Variants in VWA5A observed in about 807,000 individuals in gnomAD.
VWA5A encodes von Willebrand factor A domain-containing protein 5A.
VWA5A carries 77 observed loss-of-function variants against 84.6 expected under a neutral mutation model. The ratio of observed to expected loss-of-function variants is 0.91; its 90% CI spans 0.76 to 1.10. The LOEUF (loss-of-function observed/expected upper bound fraction) is 1.10, where lower values mean the gene tolerates loss of function less well. VWA5A is among the 50% of genes least tolerant of loss of function. VWA5A has a pLI of 0.00. For missense variants in VWA5A, 973 were observed against 963.0 expected (o/e 1.01, Z -0.14); for synonymous variants, 334 against 350.1 (o/e 0.95, Z 0.51).
Position 124,118,518 on chromosome 11 carries a change from G to A in VWA5A, c.470-15G>A. 6.2e-7 allele frequency: 1 copy of A among 1,613,526 alleles called. No homozygotes were observed. Among genetic ancestry groups the A allele is most frequent in the Non-Finnish European group, 8.5e-7 (1 of 1,179,600 alleles). ...GTGTTGGCAAGGAAAACAGAACTAA[G>A]GTCATCTTTTATAGGGTCGTCTAAG... On this transcript the variant is annotated splice_polypyrimidine_tract_variant and intron_variant, in intron 5 of 18. Coordinates refer to ENST00000456829, the MANE Select transcript of VWA5A (RefSeq NM_001130142.2).
rs144882371 is a variant in VWA5A at position 124,145,352 on chromosome 11, G to C, written c.2270G>C (p.Arg757Pro). Residue 757 changes from arginine to proline, a missense_variant, in exon 18 of 19, where the codon CGT (arginine) becomes CCT (proline). Transcript: ENST00000456829. ...GAAAGGAAGGCCGTGGCCTGGATGC[G>C]TGCCCATGCAGGTAGGAGCACAATC... is the stretch of plus-strand genomic sequence containing the variant. ...LLERKAVAWM[R>P]AHAGSTMPSV... 4 of 1,612,646 alleles carry C rather than the reference G, an allele frequency of 2.5e-6. No individual in the cohort carries two copies. The highest frequency in any genetic ancestry group is 3.4e-6 in the Non-Finnish European group (4 of 1,179,214).
At chr11:124,136,317 C>T (rs1474700043) in intron 13 of VWA5A, 24 bp downstream of exon 13, 1 of 1,604,210 alleles carries the variant, frequency 6.2e-7, no homozygotes, top group Non-Finnish European at 8.5e-7. Flanking sequence ...CTTATTTGTT[C>T]CTCTAGTCAA....
At position 124,120,756 on chromosome 11, in the gene VWA5A, G is replaced by A. The variant is rs538264929; in HGVS notation, c.760+1667G>A. On this transcript the variant is annotated intron_variant, in intron 7 of 18. Coordinates refer to ENST00000456829, the MANE Select transcript of VWA5A (RefSeq NM_001130142.2). ...TTCCTTATGGTGACTATTTCCTTGG[G>A]TGTCCATGAAATATTCCCATAACAG... Among the ~76,000 whole-genome samples the A allele has an allele frequency of 5.3e-5, 8 of 152,180 alleles. No individual in the cohort carries two copies. In the South Asian group the frequency reaches 1.5e-3, roughly 28 times the overall value.
chr11:124,128,327 G>T (rs1169389894), intron 11 of VWA5A, among the ~76,000 whole-genome samples: 3 of 152,132 alleles, frequency 2.0e-5, no homozygotes, highest in Admixed American at 2.0e-4. Context: ...GGTTGTAGAT[G>T]TGTGTCATTA....
At chr11:124,131,556 G>A (rs1865098081) in intron 11 of VWA5A, among the ~76,000 whole-genome samples, 1 of 151,548 alleles carries the variant, frequency 6.6e-6, no homozygotes, top group Non-Finnish European at 1.5e-5. Flanking sequence ...TGTTTCCCTA[G>A]GTGTTTGATG....
chr11:124,131,114 G>A (rs1865090697), intron 11 of VWA5A, among the ~76,000 whole-genome samples: 1 of 151,910 alleles, frequency 6.6e-6, no homozygotes, highest in African/African-American at 2.4e-5. Flanking sequence ...AAGACTCTTA[G>A]TGGGCGCCTG....
Position 124,137,237 on chromosome 11 carries a change from T to A in VWA5A, c.1848T>A (p.Ala616=). The stretch of plus-strand genomic sequence containing the variant: ...TCCCAAGGCCAATTCTGTTGGGTGC[T>A]TCTGCCCCATTGAAGATAAAATGCC... ...RDVPRPILLG[A]SAPLKIKCQS... is the part of the protein sequence containing the mutation. The change falls in exon 15 of 19, where the codon GCT becomes GCA. Residue 616 remains alanine, a synonymous_variant. Transcript: ENST00000456829. The A allele has an allele frequency of 6.2e-7, 1 of 1,614,172 alleles. No individual in the cohort carries two copies. The highest frequency in any genetic ancestry group is 1.3e-5 in the African/African-American group (1 of 75,038).
At position 124,127,484 on chromosome 11, in the gene VWA5A, A is replaced by G. The variant is rs139915354; in HGVS notation, c.1244+3168A>G. 6.7e-3 allele frequency among the ~76,000 whole-genome samples: 1,018 copies of G among 152,270 alleles called. 6 individuals carry two copies. Among genetic ancestry groups the G allele is most frequent in the African/African-American group, 0.022 (929 of 41,546 alleles). ...AGTGCTGCAATAAACATATGTGTGC[A>G]TGTGTCTTTATAGTAGAATGATTTA... On this transcript the variant is annotated intron_variant, in intron 11 of 18. Transcript: ENST00000456829.
chr11:124,144,258 G>T (rs1037245518), intron 17 of VWA5A, among the ~76,000 whole-genome samples: 8 of 152,020 alleles, frequency 5.3e-5, no homozygotes, highest in African/African-American at 1.9e-4. Flanking sequence ...AACTCTACAG[G>T]TAGAGAAGAG....
intron 11 of VWA5A, among the ~76,000 whole-genome samples, chr11:124,129,390 A>G (rs1440730634): frequency 3.9e-5 from 6 of 152,256 alleles, no homozygotes; most frequent in African/African-American, 1.2e-4. Flanking sequence ...CTAGTATTTT[A>G]TTGAGGATTT....
intron 15 of VWA5A, among the ~76,000 whole-genome samples, chr11:124,140,013 ATTTG>A (rs143050157): frequency 0.014 from 2,079 of 152,106 alleles, 34 homozygotes; most frequent in Middle Eastern, 0.017. Flanking sequence ...ATGATGTTGA[ATTTG>A]TTTAATACTT....
At chr11:124,123,609 T>C (rs1024811192) in intron 9 of VWA5A, 51 bp from the exon 10 acceptor site, 1 of 1,614,084 alleles carries the variant, frequency 6.2e-7, no homozygotes, top group Non-Finnish European at 8.5e-7. Context: ...GACTCTATAC[T>C]GGGCAAGGTT....
chr11:124,139,666 G>T (rs1309739941), intron 15 of VWA5A, among the ~76,000 whole-genome samples: 2 of 150,036 alleles, frequency 1.3e-5, no homozygotes, highest in Non-Finnish European at 3.0e-5. Flanking sequence ...TGCTGAGTTT[G>T]TTTATTCTAT....
intron 15 of VWA5A, 48 bp downstream of exon 15, chr11:124,137,316 A>G (rs1565621208): frequency 6.3e-7 from 1 of 1,583,510 alleles, no homozygotes; most frequent in Admixed American, 1.8e-5. Flanking sequence ...AAAGATTCTG[A>G]CTATCTGAGC....
rs370786608 is a variant in VWA5A, at chr11:124,136,691, CCCTT to C, written c.1625+71_1625+74del. 39,754 of 1,091,232 alleles carry C rather than the reference CCCTT, an allele frequency of 0.036. 1,555 individuals are homozygous for C. Among genetic ancestry groups the C allele is most frequent in the South Asian group, 0.067 (4,545 of 67,876 alleles). The allele number at this position is 1,091,232 out of a possible 1,614,324, so 67.6% of individuals were successfully genotyped here. ...TGATGTCAAGTGAGAATTCAGTTTT[CCCTT>C]CCTTCCTTCCTTCCTTCCTTCCTTC... On this transcript the variant is annotated intron_variant, in intron 14 of 18. Transcript: ENST00000456829.
intron 7 of VWA5A, among the ~76,000 whole-genome samples, chr11:124,120,775 A>G (rs1864919669): frequency 1.3e-5 from 2 of 152,176 alleles, no homozygotes; most frequent in African/African-American, 2.4e-5. Context: ...AAATATTCCC[A>G]TAACAGTGAC....
Position 124,123,720 on chromosome 11 carries a change from G to T in VWA5A, c.1080G>T (p.Met360Ile), listed in dbSNP as rs1469540513. 6.2e-7 allele frequency: 1 copy of T among 1,613,662 alleles called. No individual in the cohort carries two copies. The highest frequency in any genetic ancestry group is 8.5e-7 in the Non-Finnish European group (1 of 1,179,846). The part of the protein sequence containing the change: ...MEEALGRVKL[M>I]QADLGGTEIL... ...AGGCTCTGGGGAGAGTGAAGCTTAT[G>T]CAGGCCGACCTAGGGGGCACTGAAA... is the stretch of plus-strand genomic sequence containing the variant. The change falls in exon 10 of 19, where the codon ATG (methionine) becomes ATT (isoleucine). Residue 360 changes from methionine to isoleucine, a missense_variant. Coordinates refer to ENST00000456829, the MANE Select transcript of VWA5A (RefSeq NM_001130142.2).
intron 7 of VWA5A, among the ~76,000 whole-genome samples, chr11:124,121,685 C>T (rs952267425): frequency 6.6e-6 from 1 of 152,096 alleles, no homozygotes; most frequent in Non-Finnish European, 1.5e-5. Flanking sequence ...GTTTGAAATG[C>T]CTCATTTGAA....
chr11:124,136,502 C>T, intron 13 of VWA5A, 72 bp from the exon 14 acceptor site: 1 of 1,518,288 alleles, frequency 6.6e-7, no homozygotes, highest in Non-Finnish European at 9.1e-7. Flanking sequence ...GGTACCTGCC[C>T]CTGTTCTGAT....
Sources: gnomAD v4.1 joint callset for allele counts (sites outside exome capture counted in the v4.1 genomes callset) on GRCh38, gnomAD v4.1.1 for gene constraint, MANE v1.5 for transcripts, NCBI Gene and HGNC (gene_info 2026-07-23, HGNC 2026-07-21) for gene names.